DGKQ: variants seen among roughly 807,000 people sequenced by gnomAD.
The protein encoded by DGKQ is DAG kinase theta.
DGKQ carries 97 observed loss-of-function variants against 104.2 expected under a neutral mutation model. The observed-to-expected ratio is 0.93, with a 90% CI of 0.79 to 1.10. The LOEUF is 1.10. Among genes scored for constraint, DGKQ ranks in the 50% least tolerant of loss-of-function variants. The pLI is 0.00. For synonymous variants in DGKQ, 736 were observed against 595.2 expected, an observed-to-expected ratio of 1.24 and a Z score of -3.44; for missense variants, 1,465 against 1,352.1, an observed-to-expected ratio of 1.08 and a Z score of -1.31.
chr4:965,349 G>A, intron 14 of DGKQ, 58 bp from the exon 15 acceptor site: 1 of 1,582,374 alleles, frequency 6.3e-7, no homozygotes, highest in Admixed American at 1.7e-5. Context: ...ACGGTGCCAG[G>A]GCAGGAACCA....
At position 968,416 on chromosome 4, in the gene DGKQ, C is replaced by CG. The variant is rs748991324; in HGVS notation, c.538-10dup. ...TGGTGGTGATGGGTGTCCTGCAGAG[C>CG]GGGGGCAGTCAGCAGCTGGGCCCGC... On this transcript the variant is annotated splice_polypyrimidine_tract_variant and intron_variant, in intron 4 of 22. Coordinates refer to ENST00000273814, the MANE Select transcript of DGKQ (RefSeq NM_001347.4). 13 of 1,582,730 alleles carry CG rather than the reference C, an allele frequency of 8.2e-6. No individual in the cohort carries two copies. In the Admixed American group the frequency reaches 1.3e-4, roughly 15 times the overall value.
chr4:968,724 G>T, intron 3 of DGKQ, 87 bp downstream of exon 3: 1 of 1,398,390 alleles, frequency 7.2e-7, no homozygotes, highest in Non-Finnish European at 9.8e-7. Context: ...CATCACCCCT[G>T]ACAAGCTGCA....
At chr4:972,661 C>CTCCCT in intron 1 of DGKQ, among the ~76,000 whole-genome samples, 2 of 152,164 alleles carry the variant, frequency 1.3e-5, no homozygotes, top group African/African-American at 4.8e-5. Context: ...CCGGGGCCCG[C>CTCCCT]CTGCTTGCCG....
rs1221206905 is a variant in DGKQ at position 961,782 on chromosome 4, A to T, written c.2368T>A (p.Ser790Thr). ...CGGATCTGCTTGTGCAGGCTCCGAG[A>T]GTGACTGATCTTCTGCAGCCCCACC... Reference protein sequence around the residue: ...VRVGLQKISHSRSLHKQIRLQ... With the variant: ...VRVGLQKISHTRSLHKQIRLQ... The change falls in exon 20 of 23, where the codon TCT (serine) becomes ACT (threonine). Residue 790 changes from serine (S) to threonine (T), a missense_variant. By Grantham distance (58) the Ser-to-Thr change is moderately conservative. Transcript: ENST00000273814. The T allele has an allele frequency of 1.2e-6, 2 of 1,611,324 alleles. No individual in the cohort carries two copies. The highest frequency in any genetic ancestry group is 1.7e-5 in the Admixed American group (1 of 59,832).
intron 15 of DGKQ, 101 bp from the exon 16 acceptor site, chr4:963,391 G>C (rs1712042749): frequency 7.0e-6 from 8 of 1,145,060 alleles, no homozygotes; most frequent in Non-Finnish European, 8.7e-6. Flanking sequence ...GAGCCCACCT[G>C]GCTTGGACCA....
intron 2 of DGKQ, among the ~76,000 whole-genome samples, chr4:969,440 C>T (rs1712748411): frequency 6.6e-6 from 1 of 152,234 alleles, no homozygotes; most frequent in Non-Finnish European, 1.5e-5. Context: ...TGGGCTGTTG[C>T]TTTTCCACGA....
rs1370696103 is a variant in DGKQ at position 962,488 on chromosome 4, C to T, written c.2161G>A (p.Ala721Thr). 55 of 1,608,020 alleles carry T rather than the reference C, an allele frequency of 3.4e-5. No homozygotes were observed. Among genetic ancestry groups the T allele is most frequent in the Non-Finnish European group, 4.6e-5 (54 of 1,179,648 alleles). ...TTCTCTGCACTGCCAGCCTCGTGGG[C>T]ATCCAGCAGGATGGTCCAGCGGTCC... Reference protein sequence around the residue: ...LMDRWTILLDAHEAGSAENDT... With the variant: ...LMDRWTILLDTHEAGSAENDT... The change falls in exon 18 of 23, where the codon GCC becomes ACC. Residue 721 changes from alanine to threonine, a missense_variant. Coordinates refer to ENST00000273814, the MANE Select transcript of DGKQ (RefSeq NM_001347.4).
intron 5 of DGKQ, 56 bp from the exon 6 acceptor site, chr4:968,083 G>A: frequency 8.0e-7 from 1 of 1,248,290 alleles, no homozygotes; most frequent in Non-Finnish European, 1.0e-6. Flanking sequence ...GGGGCACCAG[G>A]TGCGCCAGGT....
At chr4:972,614 CT>C (rs1367259946) in intron 1 of DGKQ, among the ~76,000 whole-genome samples, 1 of 147,650 alleles carries the variant, frequency 6.8e-6, no homozygotes, top group East Asian at 1.9e-4. Context: ...TGTGGTCCCC[CT>C]GTCCCTCGCT....
intron 16 of DGKQ, 30 bp downstream of exon 16, chr4:963,109 G>A (rs1168962563): frequency 5.7e-6 from 9 of 1,577,080 alleles, no homozygotes; most frequent in African/African-American, 1.4e-5. Context: ...CCCTGCTGCT[G>A]CCCTGGACCA....
rs373324474 is a variant in DGKQ, at chr4:966,034, C to G, written c.1473G>C (p.Glu491Asp). The change falls in exon 13 of 23, where the codon GAG (glutamate) becomes GAC (aspartate). Residue 491 changes from glutamate to aspartate, a missense_variant. Physicochemically the swap from Glu to Asp is conservative, Grantham distance 45. Transcript: ENST00000273814. ...QVSQTRFYVA[E>D]SRDVAPHVSL... ...AGACGTGCGGGGCTACATCCCTGCT[C>G]TCTGCCACGTAGAACCGCGTCTGGC... The G allele has an allele frequency of 1.5e-4, 246 of 1,604,406 alleles. No homozygotes were observed. Among genetic ancestry groups the G allele is most frequent in the Non-Finnish European group, 2.0e-4 (238 of 1,176,668 alleles).
At position 973,142 on chromosome 4, in the gene DGKQ, C is replaced by T. The variant is rs961680532; in HGVS notation, c.271+70G>A. The T allele has an allele frequency of 5.0e-6, 7 of 1,391,098 alleles. No individual in the cohort carries two copies. The African/African-American group carries it at 1.1e-4, about 21-fold the overall frequency. 86.2% of individuals were successfully genotyped at this position (1,391,098 alleles called of 1,614,324 possible). A position where few individuals can be genotyped will look rare whatever the true frequency, so the allele number is the denominator to read the frequency against. ...TCCCCCGAAAGCGCCGGTGCCACCTCCGCTCAGGCTCCCGCCCACGGGGCA... is the reference window on the plus strand; with the variant it reads ...TCCCCCGAAAGCGCCGGTGCCACCTTCGCTCAGGCTCCCGCCCACGGGGCA... On this transcript the variant is annotated intron_variant, in intron 1 of 22. Transcript: ENST00000273814.
At chr4:969,906 C>T (rs912149431) in intron 2 of DGKQ, among the ~76,000 whole-genome samples, 1 of 152,206 alleles carries the variant, frequency 6.6e-6, no homozygotes, top group Non-Finnish European at 1.5e-5. Context: ...CCACAGCGCC[C>T]GGCCGTTAAA....
Position 967,223 on chromosome 4 carries a change from T to C in DGKQ, c.1126A>G (p.Ser376Gly). ...GSAVISEEGR[S>G]PGSGEATPEA... ...GGCGTGGCCTCGCCGGACCCGGGGCTTCTGCCCTCCTCCGAGATCACAGCA... is the reference window on the plus strand; with the variant it reads ...GGCGTGGCCTCGCCGGACCCGGGGCCTCTGCCCTCCTCCGAGATCACAGCA... The change falls in exon 9 of 23, where the codon AGC becomes GGC. Residue 376 changes from serine (S) to glycine (G), a missense_variant. Transcript: ENST00000273814. 6.3e-7 allele frequency: 1 copy of C among 1,579,164 alleles called. No homozygotes were observed. The highest frequency in any genetic ancestry group is 1.7e-4 in the Middle Eastern group (1 of 6,012).
At position 960,486 on chromosome 4, in the gene DGKQ, C is replaced by G; in HGVS notation, c.*134G>C. 1 of 743,024 alleles carries G rather than the reference C, an allele frequency of 1.3e-6. No homozygotes were observed. The allele number at this position is 743,024 out of a possible 1,614,324, so 46.0% of individuals were successfully genotyped here. A position where few individuals can be genotyped will look rare whatever the true frequency, so the allele number is the denominator to read the frequency against. On this transcript the variant is annotated 3_prime_UTR_variant, in exon 23 of 23. Transcript: ENST00000273814. ...GTCCCGCTCCGTCACTGGGAAGATGCTGTGGTCAGGGCTGTAGCCAGGTCC... is the reference window on the plus strand; with the variant it reads ...GTCCCGCTCCGTCACTGGGAAGATGGTGTGGTCAGGGCTGTAGCCAGGTCC...
intron 15 of DGKQ, 79 bp from the exon 16 acceptor site, chr4:963,369 G>A: frequency 7.1e-7 from 1 of 1,398,996 alleles, no homozygotes; most frequent in East Asian, 2.4e-5. Context: ...GCAGTGCCCA[G>A]CCCCCAACCC....
chr4:960,423 T>G lies in DGKQ; in HGVS notation c.*197A>C. 1 of 598,562 alleles carries G rather than the reference T, an allele frequency of 1.7e-6. No individual in the cohort carries two copies. Among genetic ancestry groups the G allele is most frequent in the Non-Finnish European group, 3.0e-6 (1 of 334,208 alleles). 37.1% of individuals were successfully genotyped at this position (598,562 alleles called of 1,614,324 possible). On this transcript the variant is annotated 3_prime_UTR_variant, in exon 23 of 23. Transcript: ENST00000273814. ...CACCAGTCTCCAGTGGGATGAGGGC[T>G]GTGACACCAACATGTGTCACCAATG...
At chr4:972,554 A>C (rs376263969) in intron 1 of DGKQ, among the ~76,000 whole-genome samples, 2,198 of 141,540 alleles carry the variant, frequency 0.016, 37 homozygotes, top group African/African-American at 0.05. Context: ...CGCTCCCTCC[A>C]GAGGCTGGGC....
intron 22 of DGKQ, 98 bp downstream of exon 22, chr4:960,951 A>G: frequency 6.5e-7 from 1 of 1,545,500 alleles, no homozygotes; most frequent in Non-Finnish European, 8.7e-7. Context: ...CCCTGGCCGC[A>G]GCCGGCCATG....
Sources: allele counts gnomAD v4.1 joint callset (sites outside exome capture counted in the v4.1 genomes callset), GRCh38; gene constraint gnomAD v4.1.1; transcripts MANE v1.5; gene names NCBI Gene and HGNC (gene_info 2026-07-23, HGNC 2026-07-21).